Variants in NPLOC4 observed in about 807,000 individuals in gnomAD.
The protein encoded by NPLOC4 is nuclear protein localization protein 4 homolog.
In NPLOC4, 18 loss-of-function variants were observed where a neutral mutation model predicts 80.6. The ratio of observed to expected loss-of-function variants is 0.22; its 90% CI spans 0.15 to 0.33. The LOEUF (loss-of-function observed/expected upper bound fraction) is 0.33, where lower values mean the gene tolerates loss of function less well. Ranked by LOEUF, NPLOC4 falls within the 10% of genes least tolerant of loss-of-function variation. The pLI, the probability that NPLOC4 is intolerant of heterozygous loss-of-function variation, is 1.00. For synonymous variants in NPLOC4, 313 were observed against 301.5 expected (o/e 1.04, Z -0.39); for missense variants, 540 against 786.1 (o/e 0.69, Z 3.74).
At position 81,616,333 on chromosome 17, in the gene NPLOC4, A is replaced by AAAAAAAAAAAAAAAAAAAGAAAC. The variant is rs780878214; in HGVS notation, c.210-2840_210-2839insGTTTCTTTTTTTTTTTTTTTTTT. Among the ~76,000 whole-genome samples, 92 of 115,600 alleles carry AAAAAAAAAAAAAAAAAAAGAAAC rather than the reference A, an allele frequency of 8.0e-4. 1 individual carries two copies. Among genetic ancestry groups the AAAAAAAAAAAAAAAAAAAGAAAC allele is most frequent in the East Asian group, 1.8e-3 (7 of 3,784 alleles). The allele number at this position is 115,600 out of a possible 152,430, so 75.8% of individuals were successfully genotyped here. ...AAGACTCTGTCTCAAAAAAAAAAAA[A>AAAAAAAAAAAAAAAAAAAGAAAC]AAAAAGAAAAGCAAAGCTGCTAAAT... On this transcript the variant is annotated intron_variant, in intron 3 of 16. Transcript: ENST00000331134.
Position 81,585,675 on chromosome 17 carries a change from A to AGGGG in NPLOC4, c.1281+3268_1281+3269insCCCC, listed in dbSNP as rs1568132144. ...GACTCCATTTCTGGGGGGGGGGGGA[A>AGGGG]AGAAAGAAATCAGAGGCTGGGTGCA... On this transcript the variant is annotated intron_variant, in intron 12 of 16. Transcript: ENST00000331134. Among the ~76,000 whole-genome samples, 17 of 131,670 alleles carry AGGGG rather than the reference A, an allele frequency of 1.3e-4. 1 individual carries two copies. The highest frequency in any genetic ancestry group is 5.6e-4 in the African/African-American group (17 of 30,346). The allele number at this position is 131,670 out of a possible 152,430, so 86.4% of individuals were successfully genotyped here.
rs1240446244 is a variant in NPLOC4, at chr17:81,558,664, C to T, written c.*595G>A. The T allele has an allele frequency of 1.3e-5, 2 of 152,314 alleles. No homozygotes were observed. The highest frequency in any genetic ancestry group is 4.8e-5 in the African/African-American group (2 of 41,462). 9.4% of individuals were successfully genotyped at this position (152,314 alleles called of 1,614,324 possible). A position where few individuals can be genotyped will look rare whatever the true frequency, so the allele number is the denominator to read the frequency against. On this transcript the variant is annotated 3_prime_UTR_variant, in exon 17 of 17. Coordinates refer to ENST00000331134, the MANE Select transcript of NPLOC4 (RefSeq NM_017921.4). ...AACCAATGCAGACTTTAAAATCCCA[C>T]CTGGACATCGGGTGAGAGGAGGAGG...
chr17:81,624,530 C>T lies in NPLOC4; in HGVS notation c.97-2252G>A, dbSNP rs1024643703. 6.6e-5 allele frequency among the ~76,000 whole-genome samples: 10 copies of T among 151,812 alleles called. No homozygotes were observed. The East Asian group carries it at 7.7e-4, about 12-fold the overall frequency. ...AGGAGAATCACTTCGACCTGGGAGG[C>T]GGAGCTGCAGTGAGATGAGATCACG... On this transcript the variant is annotated intron_variant, in intron 2 of 16. Transcript: ENST00000331134.
At chr17:81,611,959 CAAAAA>C (rs11401963) in intron 4 of NPLOC4, among the ~76,000 whole-genome samples, 2 of 104,262 alleles carry the variant, frequency 1.9e-5, no homozygotes, top group Non-Finnish European at 1.9e-5. Flanking sequence ...GAGTCCATCT[CAAAAA>C]AAAAAAAAAA....
chr17:81,586,100 C>G (rs112851577), intron 12 of NPLOC4, among the ~76,000 whole-genome samples: 95 of 152,162 alleles, frequency 6.2e-4, no homozygotes, highest in Middle Eastern at 3.4e-3. Context: ...GCCTGCCCAA[C>G]GGGGTAGGAG....
At chr17:81,589,391 C>T (rs1011025277) in intron 11 of NPLOC4, among the ~76,000 whole-genome samples, 3 of 151,796 alleles carry the variant, frequency 2.0e-5, no homozygotes, top group Non-Finnish European at 4.4e-5. Flanking sequence ...TAGCTGGGTG[C>T]GGTGGCGGGC....
intron 16 of NPLOC4, chr17:81,565,001 T>C (rs2033966878): frequency 5.4e-6 from 2 of 368,282 alleles, no homozygotes; most frequent in Non-Finnish European, 9.9e-6. Context: ...TTCTCACGAG[T>C]GGGGAATCGT....
chr17:81,571,307 ATGCACTGGCTTC>A (rs1454103754), intron 13 of NPLOC4, among the ~76,000 whole-genome samples: 1 of 152,288 alleles, frequency 6.6e-6, no homozygotes, highest in Non-Finnish European at 1.5e-5. Context: ...GGTGGGGCTG[ATGCACTGGCTTC>A]TGCAAAGGCT....
Position 81,577,635 on chromosome 17 carries a change from A to G in NPLOC4, c.1282-5547T>C, listed in dbSNP as rs2034336567. ...GCCTGTATCTCTTGCCTGAGCTTCC[A>G]GACCTGAGTCCTGGCAACCGTCTGT... On this transcript the variant is annotated intron_variant, in intron 12 of 16. Transcript: ENST00000331134. This position sits in a 1 kb window ranked among gnomAD's most constrained non-coding sequence, Gnocchi z 4.3. Among the ~76,000 whole-genome samples, 1 of 152,166 alleles carries G rather than the reference A, an allele frequency of 6.6e-6. No individual in the cohort carries two copies. Among genetic ancestry groups the G allele is most frequent in the Non-Finnish European group, 1.5e-5 (1 of 68,024 alleles).
At chr17:81,634,746 C>T (rs1048066637) in intron 1 of NPLOC4, among the ~76,000 whole-genome samples, 29 of 152,118 alleles carry the variant, frequency 1.9e-4, no homozygotes, top group African/African-American at 5.8e-4. Flanking sequence ...CCACCACACC[C>T]GGCTAATTTT....
rs1158632677 is a variant in NPLOC4 at position 81,559,227 on chromosome 17, G to A, written c.*32C>T. The A allele has an allele frequency of 5.1e-6, 8 of 1,570,066 alleles. No homozygotes were observed. In the Admixed American group the frequency reaches 1.1e-4, roughly 22 times the overall value. Reference sequence around the variant, plus strand: ...TCTGGCTTCAGGAAGGGCTGGGCTGGGCCCGGTCCTAGCCAGCAGAGGGCA... The same window carrying A: ...TCTGGCTTCAGGAAGGGCTGGGCTGAGCCCGGTCCTAGCCAGCAGAGGGCA... On this transcript the variant is annotated 3_prime_UTR_variant, in exon 17 of 17. Transcript: ENST00000331134.
intron 2 of NPLOC4, among the ~76,000 whole-genome samples, chr17:81,624,410 C>T (rs1164533390): frequency 1.3e-5 from 2 of 152,032 alleles, no homozygotes; most frequent in Non-Finnish European, 2.9e-5. Context: ...AAGAGTGAAA[C>T]TCCGTCTCAA....
intron 12 of NPLOC4, among the ~76,000 whole-genome samples, chr17:81,585,315 C>T (rs2034548728): frequency 6.6e-6 from 1 of 150,746 alleles, no homozygotes; most frequent in South Asian, 2.1e-4. Flanking sequence ...AAAAGGGAAA[C>T]AAAAGTTTGC....
chr17:81,601,707 C>T (rs2035060379), intron 8 of NPLOC4, among the ~76,000 whole-genome samples: 1 of 152,134 alleles, frequency 6.6e-6, no homozygotes, highest in Non-Finnish European at 1.5e-5. Context: ...GTCTCTACTG[C>T]CATCTAGTGT....
intron 4 of NPLOC4, among the ~76,000 whole-genome samples, chr17:81,612,270 G>C (rs773449577): frequency 6.1e-4 from 93 of 152,228 alleles, no homozygotes; most frequent in Non-Finnish European, 1.2e-3. Flanking sequence ...TCTTACATGC[G>C]TATGAGCCCT....
At chr17:81,608,137 T>A (rs1011303450) in intron 6 of NPLOC4, among the ~76,000 whole-genome samples, 1 of 152,220 alleles carries the variant, frequency 6.6e-6, no homozygotes. Flanking sequence ...CCATGAGGAT[T>A]AGTGGCTGCA....
intron 11 of NPLOC4, among the ~76,000 whole-genome samples, chr17:81,594,209 A>G (rs1460862555): frequency 1.6e-5 from 2 of 128,090 alleles, no homozygotes; most frequent in Non-Finnish European, 3.1e-5. Context: ...CGGGAGGTGG[A>G]GCTTGCAGTG....
intron 13 of NPLOC4, among the ~76,000 whole-genome samples, chr17:81,570,055 C>T (rs2034120508): frequency 6.6e-6 from 1 of 152,236 alleles, no homozygotes; most frequent in Non-Finnish European, 1.5e-5. Context: ...CTGTTTTCTG[C>T]ATCAGCAAAG....
intron 9 of NPLOC4, among the ~76,000 whole-genome samples, chr17:81,598,820 C>T (rs1257160798): frequency 1.3e-5 from 2 of 152,216 alleles, no homozygotes; most frequent in Non-Finnish European, 2.9e-5. Flanking sequence ...CAACTCTTCC[C>T]ATCCACCCCC....
Sources: gnomAD v4.1 joint callset for allele counts (sites outside exome capture counted in the v4.1 genomes callset) on GRCh38, gnomAD v4.1.1 for gene constraint, Gnocchi (gnomAD v3.1) non-coding constraint, MANE v1.5 for transcripts, NCBI Gene and HGNC (gene_info 2026-07-23, HGNC 2026-07-21) for gene names.